RASSF1: variants seen among roughly 807,000 people sequenced by gnomAD.
RASSF1 encodes the protein Ras association domain family member 1.
RASSF1 carries 33 observed loss-of-function variants against 34.3 expected under a neutral mutation model. That is an observed-to-expected ratio of 0.96 (90% CI 0.73 to 1.29). The LOEUF (loss-of-function observed/expected upper bound fraction) is 1.29. RASSF1 is among the 50% of genes most tolerant of loss of function. The pLI, the probability that RASSF1 is intolerant of heterozygous loss-of-function variation, is 0.00. For missense variants in RASSF1, 445 were observed against 471.8 expected, an observed-to-expected ratio of 0.94 and a Z score of 0.53; for synonymous variants, 191 against 195.0, an observed-to-expected ratio of 0.98 and a Z score of 0.17.
intron 2 of RASSF1, chr3:50,336,494 C>T (rs1456059151): frequency 2.0e-5 from 3 of 152,218 alleles, no homozygotes; most frequent in African/African-American, 7.2e-5. Context: ...CTTTTTCCAC[C>T]TCTTTAGGCA....
At position 50,330,803 on chromosome 3, in the gene RASSF1, A is replaced by G; in HGVS notation, c.877-76T>C. On this transcript the variant is annotated intron_variant, in intron 5 of 5. Transcript: ENST00000359365. The surrounding 1 kb of genome is among the most constrained non-coding windows in gnomAD (Gnocchi z 4.5). ...CAGCAGACCCTCCCCAGAGAAGACT[A>G]GCACCTCATGTTCACACAAGCTAGG... 4.0e-6 allele frequency: 6 copies of G among 1,485,486 alleles called. No individual in the cohort carries two copies. The highest frequency in any genetic ancestry group is 1.9e-5 in the Admixed American group (1 of 53,982). 92.0% of individuals were successfully genotyped at this position (1,485,486 alleles called of 1,614,324 possible). A position where few individuals can be genotyped will look rare whatever the true frequency, so the allele number is the denominator to read the frequency against.
intron 1 of RASSF1, chr3:50,338,281 A>G (rs1703237543): frequency 8.7e-7 from 1 of 1,154,968 alleles, no homozygotes. Context: ...ATTGGCAATT[A>G]AAAAAACAAC....
At chr3:50,337,071 G>A (rs1575545908) in intron 2 of RASSF1, 1 of 1,380,148 alleles carries the variant, frequency 7.2e-7, no homozygotes. Context: ...GTAGCCAGGA[G>A]GGTGGGGCTG....
intron 1 of RASSF1, among the ~76,000 whole-genome samples, chr3:50,339,808 A>G (rs1216037266): frequency 1.3e-5 from 2 of 152,226 alleles, no homozygotes; most frequent in Non-Finnish European, 2.9e-5. Flanking sequence ...TAAATAGGCC[A>G]GAGCAGTGAT....
chr3:50,333,082 G>A (rs969787854), intron 2 of RASSF1, among the ~76,000 whole-genome samples: 1 of 150,844 alleles, frequency 6.6e-6, no homozygotes, highest in Admixed American at 6.6e-5. Flanking sequence ...CAACAAGAGC[G>A]AAACTCGGTC....
Position 50,330,241 on chromosome 3 carries a change from C to T in RASSF1, c.*340G>A, listed in dbSNP as rs1553718082. The T allele has an allele frequency of 1.1e-5, 3 of 261,028 alleles. No homozygotes were observed. Among genetic ancestry groups the T allele is most frequent in the Admixed American group, 5.0e-5 (1 of 19,892 alleles). 16.2% of individuals were successfully genotyped at this position (261,028 alleles called of 1,614,324 possible). A position where few individuals can be genotyped will look rare whatever the true frequency, so the allele number is the denominator to read the frequency against. ...GGGCCGTCACCCCTGCAAACATGAC[C>T]CTGTTCTGTTTGCAGGGTCTCCAAG... is the stretch of plus-strand genomic sequence containing the variant. On this transcript the variant is annotated 3_prime_UTR_variant, in exon 6 of 6. Transcript: ENST00000359365. The surrounding 1 kb of genome is among the most constrained non-coding windows in gnomAD (Gnocchi z 4.5).
chr3:50,337,651 A>G (rs1703204783), intron 2 of RASSF1: 1 of 930,960 alleles, frequency 1.1e-6, no homozygotes, highest in Non-Finnish European at 1.6e-6. Flanking sequence ...CGAGGGCGGG[A>G]AGGTGCGGGA....
intron 3 of RASSF1, 35 bp downstream of exon 3, chr3:50,332,015 C>T: frequency 1.2e-6 from 2 of 1,602,618 alleles, no homozygotes; most frequent in Non-Finnish European, 1.7e-6. Flanking sequence ...GGTACCTGCT[C>T]CTCCCCACGC....
rs1203769171 is a variant in RASSF1 at position 50,337,385 on chromosome 3, C to CGTGCGTGTACGCGTGTCAGT, written c.357+500_357+519dup. ...CGCCAACCACCGCCCCGGTCGCGTG[C>CGTGCGTGTACGCGTGTCAGT]GTGCGTGTACGCGTGTCAGTGTGCG... is the stretch of plus-strand genomic sequence containing the variant. On this transcript the variant is annotated intron_variant, in intron 2 of 5. Coordinates refer to ENST00000359365, the MANE Select transcript of RASSF1 (RefSeq NM_007182.5). 35 of 1,594,200 alleles carry CGTGCGTGTACGCGTGTCAGT rather than the reference C, an allele frequency of 2.2e-5. No homozygotes were observed. In the African/African-American group the frequency reaches 4.2e-4, roughly 19 times the overall value.
chr3:50,335,006 G>A (rs143379851), intron 2 of RASSF1, among the ~76,000 whole-genome samples: 102 of 152,228 alleles, frequency 6.7e-4, no homozygotes, highest in African/African-American at 2.3e-3. Context: ...CTGGAGTGCA[G>A]TGGTGCGATC....
intron 2 of RASSF1, among the ~76,000 whole-genome samples, chr3:50,334,021 C>T (rs1190557006): frequency 6.6e-6 from 1 of 152,198 alleles, no homozygotes; most frequent in Non-Finnish European, 1.5e-5. Flanking sequence ...GAAGAATTCC[C>T]ACAAGGTTTC....
At chr3:50,334,282 T>G (rs926842911) in intron 2 of RASSF1, among the ~76,000 whole-genome samples, 3 of 152,154 alleles carry the variant, frequency 2.0e-5, no homozygotes, top group African/African-American at 7.2e-5. Context: ...GGTGGGAATT[T>G]AAGCTCATTT....
At chr3:50,333,018 C>T (rs1429893232) in intron 2 of RASSF1, among the ~76,000 whole-genome samples, 2 of 151,896 alleles carry the variant, frequency 1.3e-5, no homozygotes, top group Non-Finnish European at 2.9e-5. Flanking sequence ...TGCTCAAACT[C>T]GGGAGGTGGA....
intron 2 of RASSF1, chr3:50,337,687 A>AGCCTGGGCCC (rs1703207533): frequency 2.3e-6 from 2 of 853,320 alleles, no homozygotes; most frequent in Non-Finnish European, 3.6e-6. Context: ...AGCCTGGGTC[A>AGCCTGGGCCC]GCCTGGGCCC....
In RASSF1 at chr3:50,332,094, T is replaced by C; in HGVS notation, c.418A>G (p.Lys140Glu). ...LSQAEIEQKIKEYNAQINSNL... is the reference protein window; with the variant it reads ...LSQAEIEQKIEEYNAQINSNL... ...CTGTTGATCTGGGCATTGTACTCCT[T>C]GATCTTCTGCTCAATCTCAGCTTGA... The change falls in exon 3 of 6, where the codon AAG becomes GAG. Residue 140 changes from lysine to glutamate, a missense_variant. Coordinates refer to ENST00000359365, the MANE Select transcript of RASSF1 (RefSeq NM_007182.5). The C allele has an allele frequency of 1.2e-6, 2 of 1,614,116 alleles. No homozygotes were observed. Among genetic ancestry groups the C allele is most frequent in the Non-Finnish European group, 1.7e-6 (2 of 1,179,968 alleles).
At chr3:50,335,285 C>T (rs1346093675) in intron 2 of RASSF1, among the ~76,000 whole-genome samples, 3 of 147,784 alleles carry the variant, frequency 2.0e-5, no homozygotes, top group African/African-American at 7.5e-5. Flanking sequence ...TAACATATAA[C>T]TTGGGACTTC....
chr3:50,330,735 G>GGGCAAAAGGGGAGTGTACAGGC lies in RASSF1; in HGVS notation c.877-30_877-9dup. On this transcript the variant is annotated splice_polypyrimidine_tract_variant and intron_variant, in intron 5 of 5. Coordinates refer to ENST00000359365, the MANE Select transcript of RASSF1 (RefSeq NM_007182.5). This position sits in a 1 kb window ranked among gnomAD's most constrained non-coding sequence, Gnocchi z 4.5. The stretch of plus-strand genomic sequence containing the variant: ...CATGCTGAAGGCGTCCCACTGCAAG[G>GGGCAAAAGGGGAGTGTACAGGC]GGCAAAAGGGGAGTGTACAGGCTGC... 1 of 1,613,554 alleles carries GGGCAAAAGGGGAGTGTACAGGC rather than the reference G, an allele frequency of 6.2e-7. No homozygotes were observed. The highest frequency in any genetic ancestry group is 8.5e-7 in the Non-Finnish European group (1 of 1,179,766).
chr3:50,340,448 TCGGGAGCTGTCC>T (rs1703322266), intron 1 of RASSF1, 96 bp downstream of exon 1: 2 of 1,338,512 alleles, frequency 1.5e-6, no homozygotes, highest in East Asian at 6.2e-5. Flanking sequence ...GACCTAGTCC[TCGGGAGCTGTCC>T]CCGCCGACCC....
rs1398981235 is a variant in RASSF1, at chr3:50,330,787, C to G, written c.877-60G>C. 3.8e-6 allele frequency: 6 copies of G among 1,559,868 alleles called. No individual in the cohort carries two copies. Among genetic ancestry groups the G allele is most frequent in the Non-Finnish European group, 5.3e-6 (6 of 1,140,536 alleles). On this transcript the variant is annotated intron_variant, in intron 5 of 5. Coordinates refer to ENST00000359365, the MANE Select transcript of RASSF1 (RefSeq NM_007182.5). This position sits in a 1 kb window ranked among gnomAD's most constrained non-coding sequence, Gnocchi z 4.5. ...GAAGGGATGGCCAAGCCAGCAGACC[C>G]TCCCCAGAGAAGACTAGCACCTCAT...
Sources: gnomAD v4.1 joint callset for allele counts (sites outside exome capture counted in the v4.1 genomes callset) on GRCh38, gnomAD v4.1.1 for gene constraint, Gnocchi (gnomAD v3.1) non-coding constraint, MANE v1.5 for transcripts, NCBI Gene and HGNC (gene_info 2026-07-23, HGNC 2026-07-21) for gene names.